SCARB2: variants seen among roughly 807,000 people sequenced by gnomAD.
SCARB2 encodes the protein lysosome membrane protein 2.
In SCARB2, 29 loss-of-function variants were observed where a neutral mutation model predicts 58.6. The ratio of observed to expected loss-of-function variants is 0.49; its 90% CI spans 0.37 to 0.67. The LOEUF is 0.67. SCARB2 is among the 30% of genes least tolerant of loss of function. The probability of loss-of-function intolerance (pLI) is 0.00; values close to 1 mark genes in which losing one functional copy is unlikely to be tolerated. For synonymous variants in SCARB2, 195 were observed against 210.1 expected (o/e 0.93, Z 0.62); for missense variants, 488 against 578.5 (o/e 0.84, Z 1.60).
At chr4:76,213,836 G>T, upstream of SCARB2, 1 of 242,962 alleles carries the variant, frequency 4.1e-6, no homozygotes, top group Non-Finnish European at 7.8e-6. Context: ...CAGGGAGCGC[G>T]CAGGGACGTG....
chr4:76,173,785 T>G (rs1732184379), intron 7 of SCARB2: 1 of 315,262 alleles, frequency 3.2e-6, no homozygotes, highest in African/African-American at 2.2e-5. Context: ...TAAACCACTG[T>G]CCAGAAAAAA....
At chr4:76,233,043 A>G (rs35472515) in intron 1 of SCARB2, among the ~76,000 whole-genome samples, 22,739 of 152,118 alleles carry the variant, frequency 0.15, 2,000 homozygotes, top group East Asian at 0.35. Flanking sequence ...CTTTAACCCT[A>G]GGCAAAAATT....
At chr4:76,170,821 AC>A (rs1314563045) in intron 7 of SCARB2, among the ~76,000 whole-genome samples, 1 of 152,000 alleles carries the variant, frequency 6.6e-6, no homozygotes, top group Non-Finnish European at 1.5e-5. Context: ...CACCTGGCCT[AC>A]ATAATTTTTT....
intron 9 of SCARB2, chr4:76,166,566 T>C (rs1338339505): frequency 3.7e-6 from 2 of 540,866 alleles, no homozygotes; most frequent in Non-Finnish European, 6.7e-6. Context: ...CTTAGAGTCA[T>C]CAGGGAAGGC....
At chr4:76,193,614 T>C (rs1467161645) in intron 2 of SCARB2, 1 of 152,274 alleles carries the variant, frequency 6.6e-6, no homozygotes, top group African/African-American at 2.4e-5. Flanking sequence ...AACTGCCCTG[T>C]TGGGTTTCAG....
intron 2 of SCARB2, among the ~76,000 whole-genome samples, chr4:76,183,007 T>C (rs535918319): frequency 1.3e-5 from 2 of 152,356 alleles, no homozygotes; most frequent in East Asian, 3.9e-4. Flanking sequence ...ACTGTCTGTA[T>C]ATTGTATCTC....
intron 6 of SCARB2, 94 bp from the exon 7 acceptor site, chr4:76,174,407 T>G (rs551015905): frequency 8.9e-7 from 1 of 1,120,334 alleles, no homozygotes; most frequent in African/African-American, 1.5e-5. Flanking sequence ...AGGTACAACA[T>G]GGCCAAAAGC....
rs778845152 is a variant in SCARB2, at chr4:76,161,851, A to G, written c.1399-100T>C. 3.6e-6 allele frequency: 4 copies of G among 1,113,208 alleles called. No individual in the cohort carries two copies. In the Admixed American group the frequency reaches 5.4e-5, roughly 15 times the overall value. The allele number at this position is 1,113,208 out of a possible 1,614,324, so 69.0% of individuals were successfully genotyped here. A position where few individuals can be genotyped will look rare whatever the true frequency, so the allele number is the denominator to read the frequency against. ...GGGAGTGGGGGCATGGAAGGAGGAG[A>G]GACCTATAGGAAGGTGGCTCATCTC... On this transcript the variant is annotated intron_variant, in intron 11 of 11. Transcript: ENST00000264896.
intron 1 of SCARB2, among the ~76,000 whole-genome samples, chr4:76,209,800 A>T (rs1046264521): frequency 2.0e-5 from 3 of 152,192 alleles, no homozygotes; most frequent in African/African-American, 7.2e-5. Flanking sequence ...TGTTCATTGC[A>T]TCTCTGAGAC....
At chr4:76,191,608 G>C (rs1337183988) in intron 2 of SCARB2, among the ~76,000 whole-genome samples, 1 of 152,066 alleles carries the variant, frequency 6.6e-6, no homozygotes, top group Non-Finnish European at 1.5e-5. Context: ...AAGCCAAGCA[G>C]ATGCCAGCAT....
In SCARB2 at chr4:76,160,661, G is replaced by T. The variant is rs1051326; in HGVS notation, c.*1052C>A. 1 of 152,012 alleles carries T rather than the reference G, an allele frequency of 6.6e-6. No homozygotes were observed. Among genetic ancestry groups the T allele is most frequent in the South Asian group, 2.1e-4 (1 of 4,824 alleles). 9.4% of individuals were successfully genotyped at this position (152,012 alleles called of 1,614,324 possible). A position where few individuals can be genotyped will look rare whatever the true frequency, so the allele number is the denominator to read the frequency against. On this transcript the variant is annotated 3_prime_UTR_variant, in exon 12 of 12. Transcript: ENST00000264896. ...AAACTGAGGAAGGAACTTGTAAAAA[G>T]AACTTCAAAATTACCAAGAAGGCGG...
chr4:76,205,083 T>C (rs1026808507), intron 1 of SCARB2, among the ~76,000 whole-genome samples: 12 of 152,270 alleles, frequency 7.9e-5, no homozygotes, highest in Middle Eastern at 3.4e-3. Flanking sequence ...CCCAGCACTT[T>C]AGGAGGCAAA....
At chr4:76,211,475 T>C (rs2109972014) in intron 1 of SCARB2, among the ~76,000 whole-genome samples, 1 of 152,374 alleles carries the variant, frequency 6.6e-6, no homozygotes, top group Non-Finnish European at 1.5e-5. Flanking sequence ...ATAAAGTTGC[T>C]ATCACCTATT....
chr4:76,176,944 C>T, intron 4 of SCARB2: 1 of 157,814 alleles, frequency 6.3e-6, no homozygotes, highest in Non-Finnish European at 1.4e-5. Flanking sequence ...TAAGCCAATT[C>T]CATAATATAA....
At chr4:76,205,829 C>T (rs1323948732) in intron 1 of SCARB2, among the ~76,000 whole-genome samples, 1 of 152,164 alleles carries the variant, frequency 6.6e-6, no homozygotes, top group Non-Finnish European at 1.5e-5. Flanking sequence ...TTTCATTTTC[C>T]TTCTTTTGGT....
intron 3 of SCARB2, 180 bp from the exon 4 acceptor site, chr4:76,179,885 C>T (rs1407411766): frequency 2.1e-5 from 14 of 669,564 alleles, no homozygotes; most frequent in Non-Finnish European, 3.8e-5. Context: ...AGCCTCTTCT[C>T]TGTCCTTTCC....
At chr4:76,230,499 C>T (rs546052024) in intron 1 of SCARB2, among the ~76,000 whole-genome samples, 4 of 152,318 alleles carry the variant, frequency 2.6e-5, no homozygotes, top group African/African-American at 7.2e-5. Flanking sequence ...TCTGCCCACA[C>T]GATGGGCCAT....
intron 1 of SCARB2, among the ~76,000 whole-genome samples, chr4:76,228,296 A>G (rs1733434080): frequency 6.6e-6 from 1 of 152,056 alleles, no homozygotes; most frequent in African/African-American, 2.4e-5. Context: ...CCTGGCCAAC[A>G]TGGTGAAACC....
At chr4:76,229,515 C>T (rs956230052) in intron 1 of SCARB2, among the ~76,000 whole-genome samples, 1 of 152,176 alleles carries the variant, frequency 6.6e-6, no homozygotes, top group African/African-American at 2.4e-5. Flanking sequence ...TGTTCAGATT[C>T]TTTTGTCCTA....
Sources: gnomAD v4.1 joint callset for allele counts (sites outside exome capture counted in the v4.1 genomes callset) on GRCh38, gnomAD v4.1.1 for gene constraint, MANE v1.5 for transcripts, NCBI Gene and HGNC (gene_info 2026-07-23, HGNC 2026-07-21) for gene names.